Variants in KLF8 observed in about 807,000 individuals in gnomAD.
KLF8 encodes the protein KLF transcription factor 8, also known as Krueppel-like factor 8.
A neutral mutation model predicts 18.2 loss-of-function variants in KLF8; 10 were observed. The observed-to-expected ratio is 0.55, with a 90% CI of 0.34 to 0.93. KLF8 has a LOEUF of 0.93. Ranked by LOEUF, KLF8 falls within the 40% of genes least tolerant of loss-of-function variation. The pLI is 0.02. For synonymous variants in KLF8, 109 were observed against 97.3 expected, an observed-to-expected ratio of 1.12 and a Z score of -0.71; for missense variants, 264 against 277.9, an observed-to-expected ratio of 0.95 and a Z score of 0.36.
At chrX:55,928,552 C>A in the KLF8 span, among the ~76,000 whole-genome samples, 1 of 110,935 alleles carries the variant, frequency 9.0e-6, no homozygotes, top group Admixed American at 9.7e-5. Flanking sequence ...TGTGATGTTC[C>A]CCTCCCTGTG....
the KLF8 span, among the ~76,000 whole-genome samples, chrX:55,988,447 A>G: frequency 5.3e-5 from 6 of 112,178 alleles, no homozygotes; most frequent in Admixed American, 3.8e-4. Flanking sequence ...AGCACCATTT[A>G]TTAAATAAGG....
At chrX:56,047,867 T>C in the KLF8 span, among the ~76,000 whole-genome samples, 2 of 111,778 alleles carry the variant, frequency 1.8e-5, no homozygotes, top group African/African-American at 6.5e-5. Context: ...GTTGAACTAG[T>C]TTACAGTCCC....
the KLF8 span, among the ~76,000 whole-genome samples, chrX:56,014,297 C>G: frequency 6.3e-5 from 7 of 111,702 alleles, no homozygotes; most frequent in African/African-American, 1.6e-4. Flanking sequence ...GAAAACAACC[C>G]TGTTAAAAAG....
At chrX:56,157,092 G>A in the KLF8 span, among the ~76,000 whole-genome samples, 2 of 107,534 alleles carry the variant, frequency 1.9e-5, no homozygotes, top group African/African-American at 6.8e-5. Context: ...TAGGGACATG[G>A]ATGAAGCTGG....
chrX:56,280,359 G>C (rs2067184478), intron 5 of KLF8, among the ~76,000 whole-genome samples: 1 of 110,687 alleles, frequency 9.0e-6, no homozygotes. Flanking sequence ...TTAACCTCTG[G>C]AGTAGCTGGG....
At chrX:56,168,597 C>T in the KLF8 span, among the ~76,000 whole-genome samples, 2 of 110,961 alleles carry the variant, frequency 1.8e-5, no homozygotes, top group South Asian at 3.8e-4. Context: ...GTGCTGCACC[C>T]ATGAACTCAT....
chrX:56,230,076 AC>A (rs987886139), upstream of KLF8, among the ~76,000 whole-genome samples: 2 of 112,200 alleles, frequency 1.8e-5, no homozygotes, highest in Non-Finnish European at 3.8e-5. Flanking sequence ...TAAAATATAA[AC>A]TGTTAAGCTA....
the KLF8 span, among the ~76,000 whole-genome samples, chrX:56,122,265 G>T: frequency 3.6e-4 from 40 of 111,673 alleles, 1 homozygote; most frequent in Admixed American, 9.5e-5. Context: ...ATGCCAAAGT[G>T]AAAAAGTTTG....
chrX:56,136,497 A>G, the KLF8 span, among the ~76,000 whole-genome samples: 1 of 111,822 alleles, frequency 8.9e-6, no homozygotes, highest in Non-Finnish European at 1.9e-5. Context: ...AAAACAAGCA[A>G]TGGGGAAAGG....
the KLF8 span, among the ~76,000 whole-genome samples, chrX:56,190,720 G>T: frequency 9.0e-6 from 1 of 111,261 alleles, no homozygotes; most frequent in African/African-American, 3.3e-5. Flanking sequence ...CCTCCTCAAT[G>T]ACCAGTGAAT....
chrX:56,025,155 A>G, the KLF8 span, among the ~76,000 whole-genome samples: 2 of 112,450 alleles, frequency 1.8e-5, no homozygotes, highest in Non-Finnish European at 3.7e-5. Flanking sequence ...ACTGTGCTAC[A>G]TGCTCAGCTA....
chrX:56,197,923 G>A, the KLF8 span, among the ~76,000 whole-genome samples: 1 of 111,926 alleles, frequency 8.9e-6, no homozygotes, highest in African/African-American at 3.3e-5. Flanking sequence ...GGGATGCAAG[G>A]CTGGTTCAAT....
the KLF8 span, among the ~76,000 whole-genome samples, chrX:56,080,886 C>T: frequency 9.0e-6 from 1 of 110,649 alleles, no homozygotes; most frequent in East Asian, 2.8e-4. Context: ...CTTCTCGCTT[C>T]ATTTCATTCA....
At chrX:56,252,016 C>T (rs2066722000) in intron 2 of KLF8, among the ~76,000 whole-genome samples, 1 of 110,541 alleles carries the variant, frequency 9.0e-6, no homozygotes, top group Non-Finnish European at 1.9e-5. Flanking sequence ...TTATTTCCAA[C>T]TTTTTTTTGT....
At chrX:56,152,049 A>G in the KLF8 span, among the ~76,000 whole-genome samples, 3 of 111,713 alleles carry the variant, frequency 2.7e-5, no homozygotes, top group African/African-American at 9.7e-5. Flanking sequence ...TGGCCTGCAT[A>G]ATTTATAGTT....
the KLF8 span, among the ~76,000 whole-genome samples, chrX:56,166,309 G>T: frequency 1.8e-5 from 2 of 111,594 alleles, no homozygotes; most frequent in African/African-American, 3.3e-5. Context: ...AAACTAAAAT[G>T]TATGATATTC....
the KLF8 span, among the ~76,000 whole-genome samples, chrX:55,941,495 G>T: frequency 8.9e-6 from 1 of 111,768 alleles, no homozygotes; most frequent in African/African-American, 3.3e-5. Flanking sequence ...AAAAGCAATG[G>T]CAACAAAAGC....
the KLF8 span, among the ~76,000 whole-genome samples, chrX:56,090,949 C>A: frequency 5.4e-4 from 61 of 111,950 alleles, no homozygotes; most frequent in African/African-American, 1.9e-3. Flanking sequence ...CTGCAGAAAA[C>A]GTAATTTTAT....
chrX:56,056,699 A>G, the KLF8 span, among the ~76,000 whole-genome samples: 27 of 97,926 alleles, frequency 2.8e-4, 1 homozygote, highest in African/African-American at 1.0e-3. Context: ...ACCTAATGCT[A>G]GATGACGAGT....
Sources: gnomAD v4.1 joint callset for allele counts (sites outside exome capture counted in the v4.1 genomes callset) on GRCh38, gnomAD v4.1.1 for gene constraint, MANE v1.5 for transcripts, NCBI Gene and HGNC (gene_info 2026-07-23, HGNC 2026-07-21) for gene names.